The following ACAP2 variants were observed in gnomAD, a reference collection of about 807,000 sequenced individuals.
ACAP2 encodes the protein arf-GAP with coiled-coil, ANK repeat and PH domain-containing protein 2.
A neutral mutation model predicts 115.8 loss-of-function variants in ACAP2; 39 were observed. The ratio of observed to expected loss-of-function variants is 0.34; its 90% CI spans 0.26 to 0.44. The LOEUF (loss-of-function observed/expected upper bound fraction) is 0.44. Among genes scored for constraint, ACAP2 ranks in the 20% least tolerant of loss-of-function variants. ACAP2 has a pLI of 1.00. For missense variants in ACAP2, 662 were observed against 927.6 expected (o/e 0.71, Z 3.72); for synonymous variants, 289 against 315.8 (o/e 0.92, Z 0.90).
At chr3:195,297,556 T>G (rs935000895) in intron 15 of ACAP2, among the ~76,000 whole-genome samples, 1 of 152,208 alleles carries the variant, frequency 6.6e-6, no homozygotes, top group Non-Finnish European at 1.5e-5. Context: ...TATGTATCTA[T>G]CTAGCCACAT....
chr3:195,331,905 C>T (rs111986752), intron 8 of ACAP2, among the ~76,000 whole-genome samples: 3,260 of 152,036 alleles, frequency 0.021, 114 homozygotes, highest in East Asian at 0.1. Flanking sequence ...GAGGCTGAGG[C>T]GGGCAGATCA....
chr3:195,428,376 G>A (rs1714849833), intron 1 of ACAP2, among the ~76,000 whole-genome samples: 1 of 150,148 alleles, frequency 6.7e-6, no homozygotes, highest in African/African-American at 2.5e-5. Context: ...ATATATATAG[G>A]TCTATACATA....
chr3:195,396,137 G>A (rs753542800), intron 1 of ACAP2, among the ~76,000 whole-genome samples: 3 of 152,022 alleles, frequency 2.0e-5, no homozygotes, highest in Non-Finnish European at 2.9e-5. Flanking sequence ...TGTAATCCCA[G>A]CTACTAGGGA....
intron 4 of ACAP2, among the ~76,000 whole-genome samples, chr3:195,364,985 C>T (rs1004410609): frequency 3.9e-5 from 6 of 152,040 alleles, no homozygotes; most frequent in East Asian, 1.9e-4. Context: ...ACAACATGGA[C>T]GAAACTAGAC....
chr3:195,312,176 A>G (rs78436253), intron 10 of ACAP2, among the ~76,000 whole-genome samples: 3,278 of 152,156 alleles, frequency 0.022, 117 homozygotes, highest in East Asian at 0.1. Context: ...ATCTGTAGAA[A>G]CGTTATCACT....
At chr3:195,329,643 G>A (rs759476067) in intron 8 of ACAP2, among the ~76,000 whole-genome samples, 29 of 151,822 alleles carry the variant, frequency 1.9e-4, no homozygotes, top group Middle Eastern at 6.8e-3. Context: ...CTGTCATTCC[G>A]CTTCTACTGC....
chr3:195,337,131 A>C (rs1577321187), intron 6 of ACAP2, among the ~76,000 whole-genome samples, 155 bp from the exon 7 acceptor site: 1 of 152,240 alleles, frequency 6.6e-6, no homozygotes, highest in Admixed American at 6.5e-5. Context: ...ATCCTTTTGC[A>C]AAACACAGTT....
intron 4 of ACAP2, among the ~76,000 whole-genome samples, chr3:195,375,358 C>A (rs146673969): frequency 1.3e-4 from 20 of 152,120 alleles, no homozygotes; most frequent in African/African-American, 3.1e-4. Flanking sequence ...GAAGTTTTCT[C>A]CAGTGTTCCA....
chr3:195,378,114 A>AAG lies in ACAP2; in HGVS notation c.285+2894_285+2895insCT, dbSNP rs1560304748. Among the ~76,000 whole-genome samples the AAG allele has an allele frequency of 1.8e-4, 25 of 137,948 alleles. 1 individual carries two copies. The highest frequency in any genetic ancestry group is 6.7e-4 in the African/African-American group (21 of 31,270). The allele number at this position is 137,948 out of a possible 152,430, so 90.5% of individuals were successfully genotyped here. A position where few individuals can be genotyped will look rare whatever the true frequency, so the allele number is the denominator to read the frequency against. ...AGGAGGAGGAAGGGAGGAAGGAAGG[A>AAG]GAGAGAAAGAAAGTGAGAAAAGTGG... On this transcript the variant is annotated intron_variant, in intron 4 of 22. Coordinates refer to ENST00000326793, the MANE Select transcript of ACAP2 (RefSeq NM_012287.6).
chr3:195,294,614 T>A lies in ACAP2; in HGVS notation c.1765+105A>T, dbSNP rs1356720039. The A allele has an allele frequency of 7.5e-3, 639 of 85,090 alleles. 14 individuals carry two copies. The highest frequency in any genetic ancestry group is 0.035 in the Middle Eastern group (4 of 114). The allele number at this position is 85,090 out of a possible 1,614,324, so 5.3% of individuals were successfully genotyped here. ...GAAGAAAAAAAAAAAAAAAATTATA[T>A]ATATATATATATATATAATTTTTTT... is the stretch of plus-strand genomic sequence containing the variant. On this transcript the variant is annotated intron_variant, in intron 18 of 22. Coordinates refer to ENST00000326793, the MANE Select transcript of ACAP2 (RefSeq NM_012287.6).
At chr3:195,288,740 C>A (rs1727028515) in intron 21 of ACAP2, among the ~76,000 whole-genome samples, 1 of 152,058 alleles carries the variant, frequency 6.6e-6, no homozygotes, top group African/African-American at 2.4e-5. Context: ...CGCCTGTAAT[C>A]CCAGCGACTA....
At chr3:195,396,342 A>G (rs939852629) in intron 1 of ACAP2, among the ~76,000 whole-genome samples, 4 of 152,080 alleles carry the variant, frequency 2.6e-5, no homozygotes, top group African/African-American at 9.7e-5. Context: ...GAGGCTCAAA[A>G]ATAGAACTCT....
At chr3:195,315,503 A>C (rs372068765) in intron 10 of ACAP2, among the ~76,000 whole-genome samples, 2 of 152,348 alleles carry the variant, frequency 1.3e-5, no homozygotes, top group East Asian at 3.9e-4. Context: ...TGTTCTATCA[A>C]AATAAAGATG....
At chr3:195,425,625 A>T (rs1420866857) in intron 1 of ACAP2, among the ~76,000 whole-genome samples, 1 of 152,188 alleles carries the variant, frequency 6.6e-6, no homozygotes, top group Non-Finnish European at 1.5e-5. Flanking sequence ...CCTATTTAAC[A>T]ACTCTACCTC....
At chr3:195,345,434 CT>C (rs1731136173) in intron 4 of ACAP2, 117 bp from the exon 5 acceptor site, 1 of 622,462 alleles carries the variant, frequency 1.6e-6, no homozygotes, top group South Asian at 2.1e-5. Context: ...GTCTATATCT[CT>C]TCTTGAAGAC....
intron 1 of ACAP2, among the ~76,000 whole-genome samples, chr3:195,393,492 T>C (rs919514390): frequency 6.6e-6 from 1 of 152,094 alleles, no homozygotes; most frequent in Non-Finnish European, 1.5e-5. Flanking sequence ...TATGATAAAA[T>C]GAGATGCTCT....
At chr3:195,334,016 T>C (rs1020303281) in intron 7 of ACAP2, among the ~76,000 whole-genome samples, 4 of 152,154 alleles carry the variant, frequency 2.6e-5, no homozygotes, top group Admixed American at 1.3e-4. Context: ...AGTTTTCCTA[T>C]ATCTTACCTA....
At chr3:195,362,565 G>A (rs1165690182) in intron 4 of ACAP2, among the ~76,000 whole-genome samples, 1 of 151,938 alleles carries the variant, frequency 6.6e-6, no homozygotes, top group African/African-American at 2.4e-5. Context: ...CAATATCTCT[G>A]ATGAACACTG....
At chr3:195,305,676 G>A (rs146046254) in intron 13 of ACAP2, among the ~76,000 whole-genome samples, 1 of 152,230 alleles carries the variant, frequency 6.6e-6, no homozygotes. Flanking sequence ...AGAGACAGAC[G>A]TATTGAGGGC....
Sources: allele counts gnomAD v4.1 joint callset (sites outside exome capture counted in the v4.1 genomes callset), GRCh38; gene constraint gnomAD v4.1.1; transcripts MANE v1.5; gene names NCBI Gene and HGNC (gene_info 2026-07-23, HGNC 2026-07-21).